The following DEUP1 variants were observed in gnomAD, a reference collection of about 807,000 sequenced individuals.
The protein encoded by DEUP1 is deuterosome assembly protein 1, also known as coiled-coil domain containing 67.
Under a neutral mutation model 87.4 loss-of-function variants are expected in DEUP1, and 82 were observed. That is an observed-to-expected ratio of 0.94 (90% confidence interval 0.78 to 1.13). DEUP1 has a LOEUF of 1.13. DEUP1 is among the 50% of genes most tolerant of loss of function. The probability of loss-of-function intolerance (pLI) is 0.00; values close to 1 mark genes in which losing one functional copy is unlikely to be tolerated. For synonymous variants in DEUP1, 214 were observed against 222.7 expected (o/e 0.96, Z 0.35); for missense variants, 663 against 681.5 (o/e 0.97, Z 0.30).
At position 93,419,354 on chromosome 11, in the gene DEUP1, T is replaced by C. The variant is rs563798492; in HGVS notation, c.1638+4240T>C. ...ACAGGCAAGAATGTGCTGTGTGTCA[T>C]AGCCTGTACTTTGTATGATAGCATC... On this transcript the variant is annotated intron_variant, in intron 13 of 13. Transcript: ENST00000298050. Among the ~76,000 whole-genome samples the C allele has an allele frequency of 5.3e-5, 8 of 152,300 alleles. No homozygotes were observed. In the South Asian group the frequency reaches 1.2e-3, roughly 24 times the overall value.
chr11:93,380,560 T>C (rs905253038), intron 7 of DEUP1, among the ~76,000 whole-genome samples: 5 of 151,740 alleles, frequency 3.3e-5, no homozygotes, highest in South Asian at 2.1e-4. Context: ...GCCACCATGC[T>C]CGGCTATTTT....
At chr11:93,418,173 T>G (rs1947715834) in intron 13 of DEUP1, among the ~76,000 whole-genome samples, 1 of 151,820 alleles carries the variant, frequency 6.6e-6, no homozygotes, top group Admixed American at 6.6e-5. Flanking sequence ...AAGCCAAAAT[T>G]GACAAATGGG....
intron 1 of DEUP1, among the ~76,000 whole-genome samples, chr11:93,331,126 C>G (rs1044909242): frequency 6.6e-6 from 1 of 151,988 alleles, no homozygotes. Flanking sequence ...TCCTTCTGGT[C>G]AAGTTTTCCT....
chr11:93,347,173 CTG>C (rs1194371798), intron 2 of DEUP1, among the ~76,000 whole-genome samples: 6 of 151,546 alleles, frequency 4.0e-5, no homozygotes, highest in Non-Finnish European at 8.9e-5. Context: ...GATGTTGGCT[CTG>C]ATTATTTTGA....
chr11:93,368,779 A>T (rs1016749541), intron 5 of DEUP1, among the ~76,000 whole-genome samples: 2 of 152,074 alleles, frequency 1.3e-5, no homozygotes, highest in African/African-American at 2.4e-5. Flanking sequence ...TACTAAAAAT[A>T]CAAAAAATTA....
chr11:93,390,677 GT>G (rs1401272684), intron 9 of DEUP1, among the ~76,000 whole-genome samples: 1 of 152,116 alleles, frequency 6.6e-6, no homozygotes, highest in Non-Finnish European at 1.5e-5. Flanking sequence ...ACTTTGCACA[GT>G]TTTGACATGG....
intron 11 of DEUP1, among the ~76,000 whole-genome samples, chr11:93,407,091 A>C (rs867214180): frequency 6.6e-6 from 1 of 152,032 alleles, no homozygotes; most frequent in Non-Finnish European, 1.5e-5. Context: ...TTTTTAAATC[A>C]AGGTCTTCAA....
intron 2 of DEUP1, among the ~76,000 whole-genome samples, chr11:93,339,575 C>T (rs1426335841): frequency 1.3e-5 from 2 of 152,284 alleles, no homozygotes; most frequent in African/African-American, 4.8e-5. Flanking sequence ...AAACAGGTGG[C>T]ATATGAGGCA....
At chr11:93,377,558 C>A (rs963133770) in intron 7 of DEUP1, among the ~76,000 whole-genome samples, 1 of 152,054 alleles carries the variant, frequency 6.6e-6, no homozygotes, top group Admixed American at 6.5e-5. Flanking sequence ...TTGGTGAATT[C>A]TTATCCATTC....
At chr11:93,429,899 C>A (rs531571209) in intron 13 of DEUP1, among the ~76,000 whole-genome samples, 1 of 152,228 alleles carries the variant, frequency 6.6e-6, no homozygotes, top group East Asian at 1.9e-4. Flanking sequence ...CATGGGGAAC[C>A]TAATCTGTGA....
chr11:93,371,053 T>C lies in DEUP1; in HGVS notation c.562T>C (p.Tyr188His). The C allele has an allele frequency of 6.2e-7, 1 of 1,610,806 alleles. No homozygotes were observed. The part of the protein sequence containing the change: ...CNQFQKQAQS[Y>H]QTQLNGKKQC... ...TATTTTTCAGAAACAGGCACAAAGT[T>C]ACCAAACTCAACTAAATGGTAAAAA... The change falls in exon 7 of 14, where the codon TAC becomes CAC. Residue 188 changes from tyrosine (Y) to histidine (H), a missense_variant. Transcript: ENST00000298050.
intron 7 of DEUP1, among the ~76,000 whole-genome samples, chr11:93,373,059 T>C (rs898359922): frequency 2.0e-5 from 3 of 152,224 alleles, no homozygotes; most frequent in African/African-American, 7.2e-5. Flanking sequence ...AGGCAACCTA[T>C]ACTTACATTT....
chr11:93,406,552 G>T (rs1313709035), intron 11 of DEUP1, among the ~76,000 whole-genome samples: 1 of 151,446 alleles, frequency 6.6e-6, no homozygotes, highest in Non-Finnish European at 1.5e-5. Flanking sequence ...TAGCTTTTAG[G>T]ATGAAAAGAA....
intron 11 of DEUP1, among the ~76,000 whole-genome samples, chr11:93,398,954 C>G (rs1591225099): frequency 6.6e-6 from 1 of 152,044 alleles, no homozygotes; most frequent in East Asian, 1.9e-4. Flanking sequence ...AACTCCTGAC[C>G]TCAAGTGATC....
chr11:93,394,245 A>G (rs1050859023), intron 9 of DEUP1, among the ~76,000 whole-genome samples: 3 of 152,222 alleles, frequency 2.0e-5, no homozygotes, highest in Non-Finnish European at 4.4e-5. Context: ...AACAGAAAAT[A>G]GAAGTGAGAA....
At chr11:93,347,141 C>T (rs1251956086) in intron 2 of DEUP1, among the ~76,000 whole-genome samples, 1 of 152,164 alleles carries the variant, frequency 6.6e-6, no homozygotes, top group African/African-American at 2.4e-5. Flanking sequence ...GGGAATGCTT[C>T]CAGCTTTTGC....
chr11:93,384,135 A>G (rs1230816075), intron 7 of DEUP1, among the ~76,000 whole-genome samples: 1 of 152,126 alleles, frequency 6.6e-6, no homozygotes, highest in East Asian at 1.9e-4. Context: ...ATGGTCCCCA[A>G]CCTCAAATGA....
intron 2 of DEUP1, among the ~76,000 whole-genome samples, chr11:93,336,960 C>G (rs1014356990): frequency 6.6e-6 from 1 of 152,182 alleles, no homozygotes; most frequent in Non-Finnish European, 1.5e-5. Flanking sequence ...CATACATCTT[C>G]AACCAAATTC....
At chr11:93,351,886 C>T (rs1019905036) in intron 2 of DEUP1, among the ~76,000 whole-genome samples, 1 of 152,156 alleles carries the variant, frequency 6.6e-6, no homozygotes, top group Non-Finnish European at 1.5e-5. Flanking sequence ...TCTGGAAATT[C>T]TAAATTCTTT....
Sources: allele counts gnomAD v4.1 joint callset (sites outside exome capture counted in the v4.1 genomes callset), GRCh38; gene constraint gnomAD v4.1.1; transcripts MANE v1.5; gene names NCBI Gene and HGNC (gene_info 2026-07-23, HGNC 2026-07-21).